The following AMN1 variants were observed in gnomAD, a reference collection of about 807,000 sequenced individuals.
AMN1 encodes the protein antagonist of mitotic exit network 1 homolog.
A neutral mutation model predicts 33.0 loss-of-function variants in AMN1; 20 were observed. That is an observed-to-expected ratio of 0.61 (90% CI 0.43 to 0.88). The LOEUF (loss-of-function observed/expected upper bound fraction) is 0.88, where lower values mean the gene tolerates loss of function less well. Ranked by LOEUF, AMN1 falls within the 40% of genes least tolerant of loss-of-function variation. The pLI is 0.00. For missense variants in AMN1, 246 were observed against 307.4 expected (o/e 0.80, Z 1.49); for synonymous variants, 114 against 111.9 (o/e 1.02, Z -0.12).
At chr12:31,689,412 A>G (rs944377080) in intron 5 of AMN1, among the ~76,000 whole-genome samples, 9 of 152,346 alleles carry the variant, frequency 5.9e-5, no homozygotes, top group Middle Eastern at 3.4e-3. Flanking sequence ...CTACATGTGC[A>G]CAAGGAAACA....
At chr12:31,726,161 C>T (rs370879285) in intron 1 of AMN1, among the ~76,000 whole-genome samples, 2 of 142,258 alleles carry the variant, frequency 1.4e-5, no homozygotes, top group South Asian at 2.2e-4. Flanking sequence ...AGAGTAATTT[C>T]TTTTTTTTTT....
intron 6 of AMN1, among the ~76,000 whole-genome samples, chr12:31,686,369 C>G (rs1210578597): frequency 6.6e-6 from 1 of 151,958 alleles, no homozygotes; most frequent in African/African-American, 2.4e-5. Context: ...CACTTGAACC[C>G]AGGAGGTGGA....
In AMN1 at chr12:31,671,790, T is replaced by C. The variant is rs1951278377; in HGVS notation, c.*514A>G. On this transcript the variant is annotated 3_prime_UTR_variant, in exon 7 of 7. Coordinates refer to ENST00000281471, the MANE Select transcript of AMN1 (RefSeq NM_001113402.2). ...TCGGTGAAACAAATACCTAAATTCT[T>C]TGAAGAATTAACAGGCTTGATGTTC... The C allele has an allele frequency of 6.6e-6, 1 of 152,528 alleles. No homozygotes were observed. The highest frequency in any genetic ancestry group is 6.5e-5 in the Admixed American group (1 of 15,326). 9.4% of individuals were successfully genotyped at this position (152,528 alleles called of 1,614,324 possible). A position where few individuals can be genotyped will look rare whatever the true frequency, so the allele number is the denominator to read the frequency against.
intron 3 of AMN1, among the ~76,000 whole-genome samples, chr12:31,701,603 G>C (rs1050843191): frequency 2.0e-5 from 3 of 152,126 alleles, no homozygotes; most frequent in Non-Finnish European, 4.4e-5. Context: ...AAGCCACCTA[G>C]CCTGGCCCAT....
chr12:31,719,986 T>A (rs1052139117), intron 1 of AMN1, among the ~76,000 whole-genome samples: 1 of 152,266 alleles, frequency 6.6e-6, no homozygotes, highest in African/African-American at 2.4e-5. Context: ...ATATAGATGA[T>A]ACATGTATGT....
chr12:31,682,365 CG>C (rs1938053803), intron 6 of AMN1, among the ~76,000 whole-genome samples: 1 of 152,036 alleles, frequency 6.6e-6, no homozygotes, highest in African/African-American at 2.4e-5. Context: ...GTTTGTATGC[CG>C]GGAAGTCCCT....
intron 1 of AMN1, among the ~76,000 whole-genome samples, chr12:31,713,951 A>C (rs960147643): frequency 1.3e-5 from 2 of 152,188 alleles, no homozygotes; most frequent in African/African-American, 4.8e-5. Context: ...ACTACCATAA[A>C]GTTTTAAAAA....
chr12:31,704,851 G>C (rs547730184), intron 2 of AMN1, among the ~76,000 whole-genome samples: 1 of 152,224 alleles, frequency 6.6e-6, no homozygotes, highest in African/African-American at 2.4e-5. Context: ...GGTAAGGATT[G>C]CCATCAAACA....
chr12:31,691,602 T>C (rs1938503181), intron 5 of AMN1, among the ~76,000 whole-genome samples: 1 of 152,164 alleles, frequency 6.6e-6, no homozygotes, highest in Admixed American at 6.5e-5. Flanking sequence ...AAACATAATT[T>C]TGAATAACAA....
chr12:31,717,074 A>G (rs1357298492), intron 1 of AMN1, among the ~76,000 whole-genome samples: 1 of 151,244 alleles, frequency 6.6e-6, no homozygotes, highest in East Asian at 1.9e-4. Flanking sequence ...CCCCACATGC[A>G]TTGTCTATTT....
At chr12:31,694,406 C>T (rs1344611852) in intron 5 of AMN1, among the ~76,000 whole-genome samples, 1 of 146,706 alleles carries the variant, frequency 6.8e-6, no homozygotes, top group Non-Finnish European at 1.5e-5. Flanking sequence ...CACACTATTG[C>T]ACTCCAGCCT....
upstream of AMN1, chr12:31,729,141 G>A (rs1644146906): frequency 6.9e-6 from 7 of 1,007,292 alleles, no homozygotes; most frequent in Non-Finnish European, 8.5e-6. Flanking sequence ...GGTGACCGGG[G>A]CGTGGCCACG....
rs116120009 is a variant in AMN1 at position 31,694,116 on chromosome 12, C to T, written c.591+3245G>A. ...TAAAATGTGATGAAAGGTAGGCCTCCGCATTACCTATGAGAGTAGTTAGTA... is the reference window on the plus strand; with the variant it reads ...TAAAATGTGATGAAAGGTAGGCCTCTGCATTACCTATGAGAGTAGTTAGTA... On this transcript the variant is annotated intron_variant, in intron 5 of 6. Transcript: ENST00000281471. Among the ~76,000 whole-genome samples, 633 of 151,074 alleles carry T rather than the reference C, an allele frequency of 4.2e-3. 9 individuals are homozygous for T. Among genetic ancestry groups the T allele is most frequent in the African/African-American group, 0.015 (603 of 41,106 alleles).
chr12:31,708,790 A>G (rs1052980799), intron 2 of AMN1: 12 of 176,224 alleles, frequency 6.8e-5, no homozygotes, highest in Admixed American at 3.6e-4. Context: ...GAAAGAACCT[A>G]CATTGAAATA....
In AMN1 at chr12:31,720,313, T is replaced by G. The variant is rs56348448; in HGVS notation, c.38+8658A>C. 8.3e-3 allele frequency among the ~76,000 whole-genome samples: 1,269 copies of G among 151,976 alleles called. 18 individuals are homozygous for G. Among genetic ancestry groups the G allele is most frequent in the African/African-American group, 0.029 (1,197 of 41,426 alleles). Reference sequence around the variant, plus strand: ...CCCAGTACTTTGGGAAGCTGAGGCATGTGGATCATCTGAGGTCAGGAGTTC... The same window carrying G: ...CCCAGTACTTTGGGAAGCTGAGGCAGGTGGATCATCTGAGGTCAGGAGTTC... On this transcript the variant is annotated intron_variant, in intron 1 of 6. Transcript: ENST00000281471.
chr12:31,680,269 T>C (rs1292310127), intron 6 of AMN1, among the ~76,000 whole-genome samples: 2 of 151,504 alleles, frequency 1.3e-5, no homozygotes, highest in Non-Finnish European at 2.9e-5. Flanking sequence ...GGTGTGATCT[T>C]GGCTCACTGC....
In AMN1 at chr12:31,683,033, G is replaced by T. The variant is rs1010125792; in HGVS notation, c.703+5974C>A. Among the ~76,000 whole-genome samples the T allele has an allele frequency of 1.3e-5, 2 of 149,158 alleles. No homozygotes were observed. The highest frequency in any genetic ancestry group is 1.4e-4 in the Admixed American group (2 of 14,774). On this transcript the variant is annotated intron_variant, in intron 6 of 6. Transcript: ENST00000281471. The surrounding 1 kb of genome is among the most constrained non-coding windows in gnomAD (Gnocchi z 4.1). ...GCTGGAGTGCAGTGGCACAATCTTG[G>T]CTAATTGCAACCTCTGCCCCCCAGG...
At chr12:31,699,704 G>A (rs1938905879) in intron 3 of AMN1, among the ~76,000 whole-genome samples, 1 of 152,186 alleles carries the variant, frequency 6.6e-6, no homozygotes, top group Non-Finnish European at 1.5e-5. Context: ...ATTGAATGGA[G>A]GAGGAGGTCA....
At chr12:31,702,228 T>C (rs766628214) in intron 2 of AMN1, among the ~76,000 whole-genome samples, 20 of 152,158 alleles carry the variant, frequency 1.3e-4, no homozygotes, top group Non-Finnish European at 2.6e-4. Flanking sequence ...AAGTCCTTCT[T>C]GGGACACAAA....
Sources: gnomAD v4.1 joint callset for allele counts (sites outside exome capture counted in the v4.1 genomes callset) on GRCh38, gnomAD v4.1.1 for gene constraint, Gnocchi (gnomAD v3.1) non-coding constraint, MANE v1.5 for transcripts, NCBI Gene and HGNC (gene_info 2026-07-23, HGNC 2026-07-21) for gene names.